SEL1L2: variants seen among roughly 807,000 people sequenced by gnomAD.
SEL1L2 encodes protein sel-1 homolog 2.
SEL1L2 carries 89 observed loss-of-function variants against 98.8 expected under a neutral mutation model. The ratio of observed to expected loss-of-function variants is 0.90; its 90% CI spans 0.76 to 1.07. The LOEUF (loss-of-function observed/expected upper bound fraction) is 1.07, where lower values mean the gene tolerates loss of function less well. Ranked by LOEUF, SEL1L2 falls within the 50% of genes least tolerant of loss-of-function variation. SEL1L2 has a pLI of 0.00. For synonymous variants in SEL1L2, 262 were observed against 278.5 expected, an observed-to-expected ratio of 0.94 and a Z score of 0.59; for missense variants, 788 against 812.0, an observed-to-expected ratio of 0.97 and a Z score of 0.36.
intron 1 of SEL1L2, among the ~76,000 whole-genome samples, chr20:13,978,589 A>C (rs1032149191): frequency 2.0e-5 from 3 of 152,234 alleles, no homozygotes; most frequent in African/African-American, 7.2e-5. Flanking sequence ...AAATCAGTAT[A>C]CTGAAGAGAC....
chr20:13,860,362 C>A (rs1394726195), intron 17 of SEL1L2, among the ~76,000 whole-genome samples: 1 of 152,214 alleles, frequency 6.6e-6, no homozygotes, highest in Non-Finnish European at 1.5e-5. Context: ...AAACTGGCTT[C>A]TGCCCCCTTG....
intron 5 of SEL1L2, among the ~76,000 whole-genome samples, chr20:13,911,574 A>C (rs2048206361): frequency 6.6e-6 from 1 of 152,204 alleles, no homozygotes; most frequent in Admixed American, 6.5e-5. Flanking sequence ...TGTTTATTGC[A>C]TTATTTCACA....
At chr20:13,933,876 T>C (rs1423297597) in intron 2 of SEL1L2, among the ~76,000 whole-genome samples, 2 of 152,148 alleles carry the variant, frequency 1.3e-5, no homozygotes, top group Non-Finnish European at 2.9e-5. Context: ...ACATAGTGCT[T>C]TCAGCTACTT....
intron 1 of SEL1L2, among the ~76,000 whole-genome samples, chr20:13,986,774 T>G (rs969184799): frequency 1.3e-5 from 2 of 152,246 alleles, no homozygotes; most frequent in Non-Finnish European, 2.9e-5. Context: ...ATATACCTAG[T>G]AATGAAATTA....
chr20:13,858,962 G>T (rs915643262), intron 18 of SEL1L2, among the ~76,000 whole-genome samples: 3 of 152,192 alleles, frequency 2.0e-5, no homozygotes, highest in African/African-American at 7.2e-5. Context: ...TGGAGACAGG[G>T]CCTACTGGAA....
intron 3 of SEL1L2, among the ~76,000 whole-genome samples, chr20:13,926,050 G>A (rs1255803307): frequency 6.6e-6 from 1 of 152,218 alleles, no homozygotes; most frequent in Non-Finnish European, 1.5e-5. Context: ...CGGGAGCCGT[G>A]GCTCACGCCT....
rs182126052 is a variant in SEL1L2 at position 13,860,735 on chromosome 20, C to A, written c.1646-1301G>T. 1.3e-3 allele frequency among the ~76,000 whole-genome samples: 204 copies of A among 152,170 alleles called. 1 individual carries two copies. The highest frequency in any genetic ancestry group is 2.3e-3 in the Non-Finnish European group (156 of 68,012). ...CCATCTCAACTCTTTCTCTGGGTGA[C>A]CTTGTTTCGTTCCATTGCCTGTCTT... On this transcript the variant is annotated intron_variant, in intron 17 of 19. Coordinates refer to ENST00000284951, the MANE Select transcript of SEL1L2 (RefSeq NM_025229.2).
chr20:13,949,705 A>G (rs7271958), intron 2 of SEL1L2, among the ~76,000 whole-genome samples: 2 of 149,320 alleles, frequency 1.3e-5, no homozygotes, highest in African/African-American at 5.0e-5. Context: ...AACCAAACAA[A>G]CAAAAAAGAA....
intron 14 of SEL1L2, among the ~76,000 whole-genome samples, chr20:13,867,857 A>G (rs1023581318): frequency 2.0e-5 from 3 of 151,934 alleles, no homozygotes; most frequent in Admixed American, 6.6e-5. Flanking sequence ...GGCAACCTCA[A>G]CCCCCCAAGA....
At chr20:13,992,360 C>T (rs143135256), upstream of SEL1L2, among the ~76,000 whole-genome samples, 353 of 151,934 alleles carry the variant, frequency 2.3e-3, 1 homozygote, top group African/African-American at 8.0e-3. Flanking sequence ...AAAAATTAGC[C>T]GGGCATGGTG....
chr20:13,974,351 C>G lies in SEL1L2; in HGVS notation c.58+16126G>C, dbSNP rs564278095. Among the ~76,000 whole-genome samples the G allele has an allele frequency of 7.2e-5, 11 of 152,178 alleles. 1 individual carries two copies. Among genetic ancestry groups the G allele is most frequent in the East Asian group, 1.9e-4 (1 of 5,180 alleles). On this transcript the variant is annotated intron_variant, in intron 1 of 19. Transcript: ENST00000284951. The stretch of plus-strand genomic sequence containing the variant: ...TTGGTCCAACAACCTAGTAATCTAG[C>G]CTTTCCTAAGTCTTGCCCTTTCCTC...
Position 13,911,908 on chromosome 20 carries a change from CAT to C in SEL1L2, c.549+1872_549+1873del, listed in dbSNP as rs1056499104. On this transcript the variant is annotated intron_variant, in intron 5 of 19. Coordinates refer to ENST00000284951, the MANE Select transcript of SEL1L2 (RefSeq NM_025229.2). ...ATCTCCCTAATCCCTACTCCTCCCA[CAT>C]ATCTTTTCTTTATAATGAAAGATTA... 1.1e-4 allele frequency among the ~76,000 whole-genome samples: 16 copies of C among 152,272 alleles called. 2 individuals carry two copies. The highest frequency in any genetic ancestry group is 3.9e-4 in the African/African-American group (16 of 41,552).
chr20:13,931,800 T>A, intron 2 of SEL1L2, 29 bp from the exon 3 acceptor site: 1 of 1,456,538 alleles, frequency 6.9e-7, no homozygotes, highest in Non-Finnish European at 9.1e-7. Context: ...TTGCTCATTT[T>A]GTTCATGTGT....
At chr20:13,974,475 C>A (rs843887) in intron 1 of SEL1L2, among the ~76,000 whole-genome samples, 1 of 80,180 alleles carries the variant, frequency 1.2e-5, no homozygotes, top group African/African-American at 5.0e-5. Context: ...CTCTCTCTCT[C>A]TTTTTTTTTT....
intron 18 of SEL1L2, among the ~76,000 whole-genome samples, chr20:13,857,692 A>G (rs369882997): frequency 1.3e-5 from 2 of 152,378 alleles, no homozygotes; most frequent in South Asian, 2.1e-4. Flanking sequence ...TCCCTTCTAT[A>G]GACAGTGCTT....
At chr20:13,912,655 T>A (rs1568955144) in intron 5 of SEL1L2, among the ~76,000 whole-genome samples, 1 of 152,118 alleles carries the variant, frequency 6.6e-6, no homozygotes, top group South Asian at 2.1e-4. Flanking sequence ...GGAACCACCA[T>A]CTTTGGTCCT....
chr20:13,850,268 C>G lies in SEL1L2; in HGVS notation c.1870G>C (p.Asp624His), dbSNP rs567838713. The G allele has an allele frequency of 8.1e-6, 13 of 1,613,952 alleles. No individual in the cohort carries two copies. The highest frequency in any genetic ancestry group is 1.1e-5 in the Non-Finnish European group (13 of 1,179,934). The change falls in exon 19 of 20, where the codon GAT becomes CAT. Residue 624 changes from aspartate to histidine, a missense_variant. Asp to His is a moderately conservative substitution (Grantham distance 81). Transcript: ENST00000284951. Reference sequence around the variant, plus strand: ...GCAAAGAGCACAGGTATGTGGGCATCTGGACTCGTTTGAGCAGCCATGTCG... The same window carrying G: ...GCAAAGAGCACAGGTATGTGGGCATGTGGACTCGTTTGAGCAGCCATGTCG... ...LYDMAAQTSP[D>H]AHIPVLFAVM...
chr20:13,980,490 G>C (rs1022702061), intron 1 of SEL1L2, among the ~76,000 whole-genome samples: 1 of 152,150 alleles, frequency 6.6e-6, no homozygotes, highest in South Asian at 2.1e-4. Context: ...TTACAGGTGT[G>C]AGACACCACA....
intron 2 of SEL1L2, among the ~76,000 whole-genome samples, chr20:13,949,001 G>A (rs948854849): frequency 6.6e-6 from 1 of 152,216 alleles, no homozygotes; most frequent in East Asian, 1.9e-4. Flanking sequence ...GTCAGTTTTC[G>A]TATAACACCA....
Sources: gnomAD v4.1 joint callset for allele counts (sites outside exome capture counted in the v4.1 genomes callset) on GRCh38, gnomAD v4.1.1 for gene constraint, MANE v1.5 for transcripts, NCBI Gene and HGNC (gene_info 2026-07-23, HGNC 2026-07-21) for gene names.